The following CPS1 variants were observed in gnomAD, a reference collection of about 807,000 sequenced individuals.
The protein encoded by CPS1 is carbamoyl-phosphate synthase 1.
A neutral mutation model predicts 174.6 loss-of-function variants in CPS1; 109 were observed. That is an observed-to-expected ratio of 0.62 (90% CI 0.53 to 0.73). The LOEUF (loss-of-function observed/expected upper bound fraction) is 0.73, where lower values mean the gene tolerates loss of function less well. Among genes scored for constraint, CPS1 ranks in the 30% least tolerant of loss-of-function variants. The pLI is 0.00. For missense variants in CPS1, 1,689 were observed against 1,821.9 expected, an observed-to-expected ratio of 0.93 and a Z score of 1.33; for synonymous variants, 637 against 632.0, an observed-to-expected ratio of 1.01 and a Z score of -0.12.
chr2:210,563,155 C>T (rs1433571148), intron 1 of CPS1, among the ~76,000 whole-genome samples: 1 of 152,056 alleles, frequency 6.6e-6, no homozygotes, highest in African/African-American at 2.4e-5. Flanking sequence ...CTTATATACC[C>T]GATGCCATAG....
intron 21 of CPS1, among the ~76,000 whole-genome samples, chr2:210,624,092 T>C (rs1699622929): frequency 1.3e-5 from 2 of 152,148 alleles, no homozygotes; most frequent in Admixed American, 6.5e-5. Flanking sequence ...TGACATGTTT[T>C]TGTGATAGCA....
At chr2:210,565,687 ATC>A (rs914431454) in intron 1 of CPS1, among the ~76,000 whole-genome samples, 1 of 151,966 alleles carries the variant, frequency 6.6e-6, no homozygotes, top group Non-Finnish European at 1.5e-5. Flanking sequence ...GTACAGAAAA[ATC>A]TCTCTCTCTG....
At chr2:210,588,266 C>A (rs970812378) in intron 7 of CPS1, 119 bp downstream of exon 7, 2 of 831,126 alleles carry the variant, frequency 2.4e-6, no homozygotes, top group Admixed American at 2.0e-5. Flanking sequence ...GGTCTACATT[C>A]TTCTTGTTGC....
chr2:210,508,534 A>G (rs1332624950), intron 1 of CPS1, among the ~76,000 whole-genome samples: 1 of 152,194 alleles, frequency 6.6e-6, no homozygotes, highest in Non-Finnish European at 1.5e-5. Context: ...AGATCAGAGC[A>G]GAACTGAAGG....
rs779266955 is a variant in CPS1 at position 210,528,814 on chromosome 2, CTTTTTTTTTTT to C, written c.4-27894_4-27884del. Among the ~76,000 whole-genome samples, 5 of 117,654 alleles carry C rather than the reference CTTTTTTTTTTT, an allele frequency of 4.2e-5. No homozygotes were observed. The East Asian group carries it at 1.3e-3, about 30-fold the overall frequency. 77.2% of individuals were successfully genotyped at this position (117,654 alleles called of 152,430 possible). A position where few individuals can be genotyped will look rare whatever the true frequency, so the allele number is the denominator to read the frequency against. ...CAGTTAGTACTAGGAATCAAGACAA[CTTTTTTTTTTT>C]TTTTTTTTTTGAGTAGCTTCCTCGG... On this transcript the variant is annotated intron_variant, in intron 1 of 38. Coordinates refer to the CPS1 transcript ENST00000430249.
chr2:210,664,998 G>C (rs527812839), intron 33 of CPS1, among the ~76,000 whole-genome samples: 1 of 152,296 alleles, frequency 6.6e-6, no homozygotes, highest in East Asian at 1.9e-4. Flanking sequence ...GGGGATATTA[G>C]TCCTAATCTT....
intron 9 of CPS1, 38 bp downstream of exon 9, chr2:210,590,944 C>G (rs1353375133): frequency 6.0e-6 from 9 of 1,502,114 alleles, no homozygotes; most frequent in Middle Eastern, 3.5e-4. Context: ...TAAACCAGCT[C>G]TGACATACTA....
At chr2:210,659,703 T>C (rs899132038) in intron 31 of CPS1, among the ~76,000 whole-genome samples, 3 of 152,068 alleles carry the variant, frequency 2.0e-5, no homozygotes, top group African/African-American at 7.2e-5. Context: ...TGTAATTTAG[T>C]GAAGGTTGGG....
At chr2:210,529,202 C>A (rs1373891379) in intron 1 of CPS1, among the ~76,000 whole-genome samples, 2 of 151,818 alleles carry the variant, frequency 1.3e-5, no homozygotes, top group South Asian at 2.1e-4. Context: ...AGGAACCAAG[C>A]CTTAATCATT....
chr2:210,591,382 T>C (rs1698290947), intron 9 of CPS1, among the ~76,000 whole-genome samples: 1 of 151,976 alleles, frequency 6.6e-6, no homozygotes, highest in Admixed American at 6.6e-5. Flanking sequence ...CAATATTAAT[T>C]TATTAAACAT....
intron 1 of CPS1, among the ~76,000 whole-genome samples, chr2:210,508,441 T>C (rs1695351646): frequency 6.6e-6 from 1 of 151,586 alleles, no homozygotes; most frequent in Admixed American, 6.6e-5. Context: ...GATCTAAAAT[T>C]GACACCCTAA....
chr2:210,581,140 G>A (rs1165251209), intron 5 of CPS1, among the ~76,000 whole-genome samples: 1 of 152,062 alleles, frequency 6.6e-6, no homozygotes, highest in East Asian at 1.9e-4. Flanking sequence ...AGATTCTTGT[G>A]TTCTCTCAGC....
intron 1 of CPS1, among the ~76,000 whole-genome samples, chr2:210,537,689 A>G (rs886617658): frequency 2.0e-5 from 3 of 152,202 alleles, no homozygotes; most frequent in Admixed American, 6.5e-5. Context: ...AGAATTATAA[A>G]ACAGCAATGA....
At position 210,599,233 on chromosome 2, in the gene CPS1, C is replaced by T. The variant is rs907201115; in HGVS notation, c.1360-139C>T. Reference sequence around the variant, plus strand: ...CAAATGCTTGTCTTCCTTTAACTTCCATTCACTAGTCCTGTTACGGATCTC... The same window carrying T: ...CAAATGCTTGTCTTCCTTTAACTTCTATTCACTAGTCCTGTTACGGATCTC... On this transcript the variant is annotated intron_variant, in intron 13 of 37. Coordinates refer to ENST00000233072, the MANE Select transcript of CPS1 (RefSeq NM_001875.5). 3 of 718,740 alleles carry T rather than the reference C, an allele frequency of 4.2e-6. 1 individual carries two copies. The highest frequency in any genetic ancestry group is 3.3e-5 in the South Asian group (2 of 61,080). 44.5% of individuals were successfully genotyped at this position (718,740 alleles called of 1,614,324 possible).
chr2:210,508,196 A>T (rs1289249356), intron 1 of CPS1, among the ~76,000 whole-genome samples: 2 of 151,266 alleles, frequency 1.3e-5, no homozygotes, highest in Non-Finnish European at 3.0e-5. Flanking sequence ...CCACAGTGCA[A>T]TCAAACTAGA....
At chr2:210,674,808 A>G in intron 34 of CPS1, 94 bp from the exon 35 acceptor site, 2 of 1,019,928 alleles carry the variant, frequency 2.0e-6, no homozygotes, top group Non-Finnish European at 3.1e-6. Flanking sequence ...GCAACATGTA[A>G]CATTGTCTTT....
chr2:210,518,012 C>T (rs1695727176), intron 1 of CPS1, among the ~76,000 whole-genome samples: 1 of 151,900 alleles, frequency 6.6e-6, no homozygotes, highest in African/African-American at 2.4e-5. Flanking sequence ...TGATTAGTAG[C>T]AGTAGATTGC....
chr2:210,505,586 C>T (rs564626539), intron 1 of CPS1, among the ~76,000 whole-genome samples: 5 of 58 alleles, frequency 0.086, no homozygotes, highest in East Asian at 0.25. Context: ...CGAAGCAGGG[C>T]GAGCATCGCC....
intron 5 of CPS1, among the ~76,000 whole-genome samples, chr2:210,581,678 G>T (rs1697927905): frequency 6.6e-6 from 1 of 152,134 alleles, no homozygotes; most frequent in Non-Finnish European, 1.5e-5. Flanking sequence ...AGTGTTCCCA[G>T]ACTTAGAGGC....
Sources: gnomAD v4.1 joint callset for allele counts (sites outside exome capture counted in the v4.1 genomes callset) on GRCh38, gnomAD v4.1.1 for gene constraint, MANE v1.5 for transcripts, NCBI Gene and HGNC (gene_info 2026-07-23, HGNC 2026-07-21) for gene names.